The following ITPK1 variants were observed in gnomAD, a reference collection of about 807,000 sequenced individuals.
ITPK1 encodes inositol 1,3,4-trisphosphate 5/6-kinase.
In ITPK1, 21 loss-of-function variants were observed where a neutral mutation model predicts 45.3. The ratio of observed to expected loss-of-function variants is 0.46; its 90% CI spans 0.33 to 0.67. The LOEUF (loss-of-function observed/expected upper bound fraction) is 0.67. Ranked by LOEUF, ITPK1 falls within the 30% of genes least tolerant of loss-of-function variation. ITPK1 has a pLI of 0.02. For synonymous variants in ITPK1, 258 were observed against 253.6 expected, an observed-to-expected ratio of 1.02 and a Z score of -0.16; for missense variants, 474 against 573.5, an observed-to-expected ratio of 0.83 and a Z score of 1.77.
chr14:92,991,175 G>C (rs1886768398), intron 5 of ITPK1, among the ~76,000 whole-genome samples: 1 of 152,182 alleles, frequency 6.6e-6, no homozygotes, highest in African/African-American at 2.4e-5. Context: ...AGTGCCTCCA[G>C]GAACAGCAGG....
intron 5 of ITPK1, among the ~76,000 whole-genome samples, chr14:92,992,148 A>G (rs992739057): frequency 3.3e-5 from 5 of 152,132 alleles, no homozygotes; most frequent in African/African-American, 9.7e-5. Context: ...CTTCGAATGG[A>G]CTTGTCCGGG....
chr14:92,965,872 G>T (rs889771712), intron 5 of ITPK1, among the ~76,000 whole-genome samples: 5 of 152,034 alleles, frequency 3.3e-5, no homozygotes, highest in Non-Finnish European at 4.4e-5. Context: ...GCGTGGTGGT[G>T]CACGCCTGTA....
At chr14:93,009,337 C>T (rs1455260651) in intron 4 of ITPK1, among the ~76,000 whole-genome samples, 1 of 152,202 alleles carries the variant, frequency 6.6e-6, no homozygotes, top group African/African-American at 2.4e-5. Context: ...CCTGACCGTC[C>T]ACACACAAGC....
chr14:93,077,812 T>C (rs1891289266), intron 2 of ITPK1, among the ~76,000 whole-genome samples: 1 of 152,112 alleles, frequency 6.6e-6, no homozygotes, highest in Non-Finnish European at 1.5e-5. Context: ...CCCTTTGTTC[T>C]GGGGTATTGA....
intron 5 of ITPK1, among the ~76,000 whole-genome samples, chr14:92,966,846 A>G (rs1885394774): frequency 6.6e-6 from 1 of 152,260 alleles, no homozygotes; most frequent in Non-Finnish European, 1.5e-5. Flanking sequence ...AGGGGCGGAA[A>G]GAATATTCGT....
chr14:92,980,490 G>A (rs1330258176), intron 5 of ITPK1, among the ~76,000 whole-genome samples: 2 of 152,132 alleles, frequency 1.3e-5, no homozygotes, highest in Non-Finnish European at 2.9e-5. Context: ...CTCTATTCCT[G>A]GTGATAACTT....
chr14:93,025,020 T>C (rs905306352), intron 3 of ITPK1, among the ~76,000 whole-genome samples: 1 of 152,120 alleles, frequency 6.6e-6, no homozygotes, highest in African/African-American at 2.4e-5. Flanking sequence ...CAACCCAGAC[T>C]TGCCCCAGTT....
intron 5 of ITPK1, among the ~76,000 whole-genome samples, chr14:92,979,222 T>C (rs1886097456): frequency 6.6e-6 from 1 of 152,248 alleles, no homozygotes; most frequent in Non-Finnish European, 1.5e-5. Flanking sequence ...TTCTCCCTCT[T>C]GGAATTGGGT....
rs1887199207 is a variant in ITPK1, at chr14:92,938,038, CA to C, written c.*3522del. 5.2e-6 allele frequency: 1 copy of C among 193,180 alleles called. No homozygotes were observed. The highest frequency in any genetic ancestry group is 1.1e-5 in the Non-Finnish European group (1 of 94,140). The allele number at this position is 193,180 out of a possible 1,614,324, so 12.0% of individuals were successfully genotyped here. On this transcript the variant is annotated 3_prime_UTR_variant, in exon 11 of 11. Transcript: ENST00000267615. ...GCAGTGGTGCGATCTTGGCTCACTG[CA>C]ACCTACGCCTCCCGAGTTCAAGCAA...
chr14:93,013,370 G>A (rs555147926), intron 4 of ITPK1, among the ~76,000 whole-genome samples: 16 of 152,330 alleles, frequency 1.1e-4, no homozygotes, highest in African/African-American at 3.6e-4. Flanking sequence ...ATGTTCTGCA[G>A]TAAGCCTCTG....
At chr14:93,024,170 A>T (rs1888613534) in intron 3 of ITPK1, among the ~76,000 whole-genome samples, 1 of 152,296 alleles carries the variant, frequency 6.6e-6, no homozygotes, top group Non-Finnish European at 1.5e-5. Flanking sequence ...AGAGGATCCC[A>T]CACATGAACC....
At position 92,941,930 on chromosome 14, in the gene ITPK1, AG is replaced by A. The variant is rs751707293; in HGVS notation, c.902-27del. The A allele has an allele frequency of 2.3e-3, 3,684 of 1,600,388 alleles. 7 individuals carry two copies. Among genetic ancestry groups the A allele is most frequent in the Non-Finnish European group, 2.9e-3 (3,411 of 1,173,416 alleles). Reference sequence around the variant, plus strand: ...CTGGGGGTGGGAGAGAGACAGCACAAGGGGCGTGAGCCAGGGGCACGCATCA... The same window carrying A: ...CTGGGGGTGGGAGAGAGACAGCACAAGGGCGTGAGCCAGGGGCACGCATCA... On this transcript the variant is annotated intron_variant, in intron 10 of 10. Coordinates refer to ENST00000267615, the MANE Select transcript of ITPK1 (RefSeq NM_014216.6).
At chr14:93,062,504 T>G (rs1890569871) in intron 3 of ITPK1, among the ~76,000 whole-genome samples, 1 of 152,184 alleles carries the variant, frequency 6.6e-6, no homozygotes, top group African/African-American at 2.4e-5. Flanking sequence ...TCAAAGGACA[T>G]GAATAAAGTC....
intron 2 of ITPK1, among the ~76,000 whole-genome samples, chr14:93,104,582 A>G (rs1458208563): frequency 6.6e-6 from 1 of 152,166 alleles, no homozygotes; most frequent in Non-Finnish European, 1.5e-5. Context: ...GGAGTCACCC[A>G]TCCCTGAGGG....
chr14:92,960,499 T>C (rs1885012563), intron 7 of ITPK1, among the ~76,000 whole-genome samples: 1 of 152,166 alleles, frequency 6.6e-6, no homozygotes, highest in Admixed American at 6.5e-5. Context: ...GGTGGCTGGG[T>C]AATTTGCCAA....
intron 4 of ITPK1, among the ~76,000 whole-genome samples, chr14:92,997,168 T>C: frequency 6.6e-6 from 1 of 151,968 alleles, no homozygotes; most frequent in East Asian, 1.9e-4. Context: ...ATGACCCAAT[T>C]CTCCCTCAGC....
At chr14:93,077,227 T>G (rs912192265) in intron 2 of ITPK1, among the ~76,000 whole-genome samples, 1 of 152,138 alleles carries the variant, frequency 6.6e-6, no homozygotes, top group African/African-American at 2.4e-5. Flanking sequence ...ACCTGACTCT[T>G]GCCACCCAAT....
intron 2 of ITPK1, among the ~76,000 whole-genome samples, chr14:93,080,238 C>A (rs991441367): frequency 6.6e-6 from 1 of 152,208 alleles, no homozygotes; most frequent in African/African-American, 2.4e-5. Context: ...CCTGAGGGCG[C>A]TACAGGAAAA....
At position 92,937,063 on chromosome 14, in the gene ITPK1, T is replaced by C. The variant is rs2281516; in HGVS notation, c.*4498A>G. 0.34 allele frequency: 52,239 copies of C among 152,188 alleles called. 9,395 individuals are homozygous for C. Among genetic ancestry groups the C allele is most frequent in the East Asian group, 0.7 (3,617 of 5,172 alleles). 9.4% of individuals were successfully genotyped at this position (152,188 alleles called of 1,614,324 possible). On this transcript the variant is annotated 3_prime_UTR_variant, in exon 11 of 11. Coordinates refer to ENST00000267615, the MANE Select transcript of ITPK1 (RefSeq NM_014216.6). Reference sequence around the variant, plus strand: ...GACTAGTTAGCAAATACAGAGATCATAGCGACACCTTGTCCCTGAAACCAC... The same window carrying C: ...GACTAGTTAGCAAATACAGAGATCACAGCGACACCTTGTCCCTGAAACCAC...
Sources: allele counts gnomAD v4.1 joint callset (sites outside exome capture counted in the v4.1 genomes callset), GRCh38; gene constraint gnomAD v4.1.1; transcripts MANE v1.5; gene names NCBI Gene and HGNC (gene_info 2026-07-23, HGNC 2026-07-21).